KDSR: variants seen among roughly 807,000 people sequenced by gnomAD.
The protein encoded by KDSR is 3-dehydrosphinganine reductase.
In KDSR, 23 loss-of-function variants were observed where a neutral mutation model predicts 41.3. The ratio of observed to expected loss-of-function variants is 0.56; its 90% CI spans 0.40 to 0.79. KDSR has a LOEUF of 0.79. KDSR is among the 30% of genes least tolerant of loss of function. The pLI is 0.00. For missense variants in KDSR, 351 were observed against 416.8 expected (o/e 0.84, Z 1.37); for synonymous variants, 138 against 151.7 (o/e 0.91, Z 0.66).
intron 4 of KDSR, 71 bp downstream of exon 4, chr18:63,355,427 A>G (rs1399719502): frequency 8.7e-6 from 14 of 1,611,690 alleles, no homozygotes; most frequent in Admixed American, 6.7e-5. Context: ...ATTCCAAGCC[A>G]CATAGCAAAA....
At chr18:63,350,832 G>A (rs990344604) in intron 6 of KDSR, 56 bp downstream of exon 6, 63 of 1,243,990 alleles carry the variant, frequency 5.1e-5, no homozygotes, top group Admixed American at 4.3e-4. Context: ...AAACTAAAGC[G>A]GAATGTATAT....
At chr18:63,340,293 AT>A (rs1914308634) in intron 7 of KDSR, among the ~76,000 whole-genome samples, 1 of 152,250 alleles carries the variant, frequency 6.6e-6, no homozygotes. Context: ...AAGACAGGAC[AT>A]TTGGCTTAAA....
intron 3 of KDSR, among the ~76,000 whole-genome samples, chr18:63,359,178 C>CAAAAAAAAAAAAAAAAAAAAAAAGAAA (rs1914891474): frequency 2.7e-5 from 1 of 37,092 alleles, no homozygotes; most frequent in Non-Finnish European, 5.4e-5. Context: ...GACACTGCCT[C>CAAAAAAAAAAAAAAAAAAAAAAAGAAA]AAAAAAAAAA....
At chr18:63,347,834 A>G (rs1914556280) in intron 6 of KDSR, among the ~76,000 whole-genome samples, 1 of 152,216 alleles carries the variant, frequency 6.6e-6, no homozygotes, top group South Asian at 2.1e-4. Flanking sequence ...TTCTTCCTAA[A>G]AGACTGAGTA....
At chr18:63,359,655 C>A (rs1337490692) in intron 3 of KDSR, 81 bp downstream of exon 3, 3 of 899,502 alleles carry the variant, frequency 3.3e-6, no homozygotes, top group Non-Finnish European at 3.7e-6. Flanking sequence ...ATTAACTATT[C>A]ACAGGTGAAG....
chr18:63,333,124 C>T (rs1275171221), intron 9 of KDSR, among the ~76,000 whole-genome samples: 1 of 151,952 alleles, frequency 6.6e-6, no homozygotes, highest in Non-Finnish European at 1.5e-5. Context: ...CAGGGTCTTG[C>T]TCTGTCACCC....
chr18:63,350,068 G>C (rs1467992032), intron 6 of KDSR, among the ~76,000 whole-genome samples: 2 of 152,194 alleles, frequency 1.3e-5, no homozygotes, highest in African/African-American at 4.8e-5. Flanking sequence ...ATCCACTGGG[G>C]GTCTTAGCTC....
chr18:63,363,955 C>A (rs1024293366), intron 1 of KDSR, among the ~76,000 whole-genome samples: 1 of 152,180 alleles, frequency 6.6e-6, no homozygotes, highest in Non-Finnish European at 1.5e-5. Flanking sequence ...GCACCTATCT[C>A]TATGGGACTC....
chr18:63,355,410 T>A, intron 4 of KDSR, 88 bp downstream of exon 4: 1 of 1,608,972 alleles, frequency 6.2e-7, no homozygotes, highest in South Asian at 1.1e-5. Context: ...ATAGAGAAGT[T>A]GTGTCCATTC....
At chr18:63,333,722 C>T (rs1914079667) in intron 9 of KDSR, among the ~76,000 whole-genome samples, 1 of 152,164 alleles carries the variant, frequency 6.6e-6, no homozygotes, top group African/African-American at 2.4e-5. Context: ...TAAACACACA[C>T]ACTCACACCA....
chr18:63,340,014 T>A (rs1914298628), intron 7 of KDSR, among the ~76,000 whole-genome samples: 1 of 152,242 alleles, frequency 6.6e-6, no homozygotes, highest in Admixed American at 6.5e-5. Context: ...CACGATTCAT[T>A]CTTCCAGACC....
chr18:63,350,013 G>C (rs998223308), intron 6 of KDSR, among the ~76,000 whole-genome samples: 5 of 152,178 alleles, frequency 3.3e-5, no homozygotes, highest in Non-Finnish European at 7.3e-5. Context: ...ACTATAAGAG[G>C]GTTGGCCACA....
chr18:63,330,659 G>A lies in KDSR; in HGVS notation c.*1123C>T, dbSNP rs2144342135. 2 of 231,434 alleles carry A rather than the reference G, an allele frequency of 8.6e-6. No homozygotes were observed. The highest frequency in any genetic ancestry group is 1.8e-4 in the South Asian group (1 of 5,508). The allele number at this position is 231,434 out of a possible 1,614,324, so 14.3% of individuals were successfully genotyped here. A position where few individuals can be genotyped will look rare whatever the true frequency, so the allele number is the denominator to read the frequency against. On this transcript the variant is annotated 3_prime_UTR_variant, in exon 10 of 10. Coordinates refer to ENST00000645214, the MANE Select transcript of KDSR (RefSeq NM_002035.4). Reference sequence around the variant, plus strand: ...ATCAGCCTTGTCTTTTTTTCTTAATGAGCAAACTTTATACCATCATCAGCC... The same window carrying A: ...ATCAGCCTTGTCTTTTTTTCTTAATAAGCAAACTTTATACCATCATCAGCC...
chr18:63,335,279 G>T lies in KDSR; in HGVS notation c.857C>A (p.Ser286Tyr). 1 of 1,612,586 alleles carries T rather than the reference G, an allele frequency of 6.2e-7. No individual in the cohort carries two copies. Among genetic ancestry groups the T allele is most frequent in the Non-Finnish European group, 8.5e-7 (1 of 1,178,566 alleles). Residue 286 changes from serine (S) to tyrosine (Y), a missense_variant, in exon 9 of 10, where the codon TCT becomes TAT. Physicochemically the swap from Ser to Tyr is moderately radical, Grantham distance 144 (BLOSUM62 -2). Coordinates refer to ENST00000645214, the MANE Select transcript of KDSR (RefSeq NM_002035.4). ...TACCTGCTGGAGCCCCTCAGTAATA[G>T]AAGTTACTGGAGCCATCCCACAGGT... ...ALTCGMAPVTSITEGLQQVVT... is the reference protein window; with the variant it reads ...ALTCGMAPVTYITEGLQQVVT...
rs769130769 is a variant in KDSR, at chr18:63,362,814, G to C, written c.163C>G (p.Gln55Glu). Residue 55 changes from glutamine to glutamate, a missense_variant, in exon 2 of 10, where the codon CAA (glutamine) becomes GAA (glutamate). By Grantham distance (29) the Gln-to-Glu change is conservative. Transcript: ENST00000645214. ...GKCIAIECYK[Q>E]GAFITLVARN... ...GCAACCAGAGTTATAAAAGCTCCTT[G>C]TTTATAGCACTCGATAGCAATGCAC... 1.2e-6 allele frequency: 2 copies of C among 1,613,604 alleles called. No homozygotes were observed. The highest frequency in any genetic ancestry group is 1.7e-6 in the Non-Finnish European group (2 of 1,179,628).
Position 63,330,922 on chromosome 18 carries a change from G to GT in KDSR, c.*859dup. The GT allele has an allele frequency of 4.4e-6, 1 of 229,596 alleles. No homozygotes were observed. The highest frequency in any genetic ancestry group is 1.8e-4 in the South Asian group (1 of 5,506). 14.2% of individuals were successfully genotyped at this position (229,596 alleles called of 1,614,324 possible). On this transcript the variant is annotated 3_prime_UTR_variant, in exon 10 of 10. Transcript: ENST00000645214. ...GATAGGTGAACTTCAGGTCATCATG[G>GT]TTATTGAAGGAACTGTAAATTCTTA...
Position 63,329,856 on chromosome 18 carries a change from C to A in KDSR, c.*1926G>T. 5.1e-6 allele frequency: 1 copy of A among 194,290 alleles called. No homozygotes were observed. The highest frequency in any genetic ancestry group is 1.1e-5 in the Non-Finnish European group (1 of 93,224). The allele number at this position is 194,290 out of a possible 1,614,324, so 12.0% of individuals were successfully genotyped here. ...ACTGAGAAACATCCAGACATTAATG[C>A]AATTGTTTTCTGCAAATTATAAAAA... is the stretch of plus-strand genomic sequence containing the variant. On this transcript the variant is annotated 3_prime_UTR_variant, in exon 10 of 10. Coordinates refer to ENST00000645214, the MANE Select transcript of KDSR (RefSeq NM_002035.4).
rs902386466 is a variant in KDSR at position 63,355,510 on chromosome 18, A to G, written c.309T>C (p.Asn103=). 5.0e-6 allele frequency: 8 copies of G among 1,612,108 alleles called. No homozygotes were observed. The highest frequency in any genetic ancestry group is 1.3e-5 in the African/African-American group (1 of 74,816). ...CCCAACCTCTTACTTGTTTTATGACATTCTCTACTTGGTTATAGTCTTGAG... is the reference window on the plus strand; with the variant it reads ...CCCAACCTCTTACTTGTTTTATGACGTTCTCTACTTGGTTATAGTCTTGAG... The part of the protein sequence containing the change: ...DVSQDYNQVE[N]VIKQAQEKLG... The change falls in exon 4 of 10, where the codon AAT becomes AAC. Residue 103 remains asparagine (N), a synonymous_variant. Coordinates refer to ENST00000645214, the MANE Select transcript of KDSR (RefSeq NM_002035.4).
chr18:63,336,698 T>C (rs1308575570), intron 8 of KDSR, among the ~76,000 whole-genome samples: 1 of 152,208 alleles, frequency 6.6e-6, no homozygotes, highest in Non-Finnish European at 1.5e-5. Context: ...TGGAATTTAA[T>C]GTAACAGAGA....
Sources: gnomAD v4.1 joint callset for allele counts (sites outside exome capture counted in the v4.1 genomes callset) on GRCh38, gnomAD v4.1.1 for gene constraint, MANE v1.5 for transcripts, NCBI Gene and HGNC (gene_info 2026-07-23, HGNC 2026-07-21) for gene names.